The following SYK variants were observed in gnomAD, a reference collection of about 807,000 sequenced individuals.
The protein encoded by SYK is spleen associated tyrosine kinase.
In SYK, 16 loss-of-function variants were observed where a neutral mutation model predicts 77.8. The ratio of observed to expected loss-of-function variants is 0.21; its 90% CI spans 0.14 to 0.31. The LOEUF (loss-of-function observed/expected upper bound fraction) is 0.31, where lower values mean the gene tolerates loss of function less well. SYK is among the 10% of genes least tolerant of loss of function. The pLI, the probability that SYK is intolerant of heterozygous loss-of-function variation, is 1.00. For missense variants in SYK, 529 were observed against 814.4 expected (o/e 0.65, Z 4.26); for synonymous variants, 312 against 308.7 (o/e 1.01, Z -0.11).
At chr9:90,819,519 G>A (rs1361879412) in intron 1 of SYK, among the ~76,000 whole-genome samples, 1 of 152,202 alleles carries the variant, frequency 6.6e-6, no homozygotes, top group Non-Finnish European at 1.5e-5. Flanking sequence ...GTGGCAGCAA[G>A]AGAAAATGAG....
At chr9:90,811,908 A>G (rs1388655738) in intron 1 of SYK, among the ~76,000 whole-genome samples, 3 of 147,128 alleles carry the variant, frequency 2.0e-5, no homozygotes, top group Non-Finnish European at 3.0e-5. Flanking sequence ...CCTGGGTGAC[A>G]GAGCAAGACC....
In SYK at chr9:90,896,379, A is replaced by C. The variant is rs1014257359; in HGVS notation, c.*779A>C. On this transcript the variant is annotated 3_prime_UTR_variant, in exon 14 of 14. Transcript: ENST00000375754. ...TGGTGACTGGTAAATAAAGCCCTGC[A>C]TGGAGGCTGCACAGCAGGGGCAAGA... The C allele has an allele frequency of 4.3e-6, 1 of 233,274 alleles. No homozygotes were observed. The highest frequency in any genetic ancestry group is 2.2e-5 in the African/African-American group (1 of 45,482). The allele number at this position is 233,274 out of a possible 1,614,324, so 14.5% of individuals were successfully genotyped here.
intron 6 of SYK, among the ~76,000 whole-genome samples, chr9:90,866,177 G>T (rs1827488106): frequency 6.6e-6 from 1 of 152,224 alleles, no homozygotes; most frequent in African/African-American, 2.4e-5. Context: ...GGGATTACAG[G>T]CGTGAGCCAC....
chr9:90,882,522 G>A (rs1467765457), intron 11 of SYK, among the ~76,000 whole-genome samples: 1 of 152,234 alleles, frequency 6.6e-6, no homozygotes, highest in Non-Finnish European at 1.5e-5. Flanking sequence ...CAGAGAGAGG[G>A]TTTTGCTATG....
chr9:90,810,314 G>A (rs1196664468), intron 1 of SYK, among the ~76,000 whole-genome samples: 1 of 152,136 alleles, frequency 6.6e-6, no homozygotes, highest in Non-Finnish European at 1.5e-5. Context: ...GCTCCACATG[G>A]CATGCTCCCT....
Position 90,897,452 on chromosome 9 carries a change from G to T in SYK, c.*1852G>T, listed in dbSNP as rs554920961. ...CAGGTGTAAAATTATGAAAGGAGTG[G>T]TTGGATGTGCCAAGTTTGGTAAAGT... On this transcript the variant is annotated 3_prime_UTR_variant, in exon 14 of 14. Transcript: ENST00000375754. 2.6e-5 allele frequency: 6 copies of T among 232,496 alleles called. No individual in the cohort carries two copies. In the East Asian group the frequency reaches 3.6e-4, roughly 14 times the overall value. 14.4% of individuals were successfully genotyped at this position (232,496 alleles called of 1,614,324 possible). A position where few individuals can be genotyped will look rare whatever the true frequency, so the allele number is the denominator to read the frequency against.
intron 11 of SYK, among the ~76,000 whole-genome samples, chr9:90,883,422 A>G (rs1305339998): frequency 6.6e-6 from 1 of 152,012 alleles, no homozygotes; most frequent in East Asian, 1.9e-4. Flanking sequence ...AGGCACTTTC[A>G]CATGCCACAA....
chr9:90,849,582 A>G (rs1826738998), intron 3 of SYK, among the ~76,000 whole-genome samples: 1 of 152,206 alleles, frequency 6.6e-6, no homozygotes, highest in African/African-American at 2.4e-5. Flanking sequence ...CTCTTAAATC[A>G]TTACTGATGG....
chr9:90,810,063 G>A (rs7032733), intron 1 of SYK, among the ~76,000 whole-genome samples: 35,536 of 151,920 alleles, frequency 0.23, 4,217 homozygotes, highest in Middle Eastern at 0.36. Flanking sequence ...CCCGGAGCTT[G>A]TTTCTTCTCA....
intron 9 of SYK, among the ~76,000 whole-genome samples, chr9:90,876,128 A>T (rs1329239478): frequency 6.6e-6 from 1 of 152,070 alleles, no homozygotes; most frequent in Non-Finnish European, 1.5e-5. Flanking sequence ...TCCACTAAAA[A>T]TACAAAAAAT....
intron 1 of SYK, among the ~76,000 whole-genome samples, chr9:90,832,354 T>C (rs894780854): frequency 1.3e-5 from 2 of 152,266 alleles, no homozygotes; most frequent in African/African-American, 4.8e-5. Flanking sequence ...AAAATGTTAC[T>C]AGTGATAATA....
At position 90,874,848 on chromosome 9, in the gene SYK, A is replaced by C; in HGVS notation, c.1180A>C (p.Lys394Gln). 1 of 1,613,926 alleles carries C rather than the reference A, an allele frequency of 6.2e-7. No individual in the cohort carries two copies. Among genetic ancestry groups the C allele is most frequent in the Non-Finnish European group, 8.5e-7 (1 of 1,179,876 alleles). ...GAAAAAGGGCTACTACCAAATGAAAAAGTAAGTTGCTATGTTCCACCAGCC... is the reference window on the plus strand; with the variant it reads ...GAAAAAGGGCTACTACCAAATGAAACAGTAAGTTGCTATGTTCCACCAGCC... ...TVKKGYYQMKKVVKTVAVKIL... is the reference protein window; with the variant it reads ...TVKKGYYQMKQVVKTVAVKIL... The change falls in exon 9 of 14, where the codon AAA becomes CAA. Residue 394 changes from lysine to glutamine, a missense_variant and splice_region_variant. Transcript: ENST00000375754.
At position 90,832,699 on chromosome 9, in the gene SYK, C is replaced by T. The variant is rs563650604; in HGVS notation, c.-41-11159C>T. 4.6e-5 allele frequency among the ~76,000 whole-genome samples: 7 copies of T among 152,360 alleles called. No homozygotes were observed. The South Asian group carries it at 1.5e-3, about 32-fold the overall frequency. ...AACAATTCATTCAAATATTTATTTA[C>T]TTAAATATCCATTAAGCACTGTTGC... On this transcript the variant is annotated intron_variant, in intron 1 of 13. Transcript: ENST00000375754.
chr9:90,801,812 T>G (rs1826740920), upstream of SYK: 1 of 152,186 alleles, frequency 6.6e-6, no homozygotes, highest in African/African-American at 2.4e-5. Flanking sequence ...GCCCGGCGGC[T>G]GAGGCCACCC....
At chr9:90,846,159 C>T (rs1826584415) in intron 3 of SYK, among the ~76,000 whole-genome samples, 1 of 152,190 alleles carries the variant, frequency 6.6e-6, no homozygotes, top group African/African-American at 2.4e-5. Context: ...CAGTGTAAAT[C>T]TAAATTGTAG....
intron 1 of SYK, among the ~76,000 whole-genome samples, chr9:90,812,324 CAT>C (rs1197054720): frequency 6.6e-6 from 1 of 152,164 alleles, no homozygotes; most frequent in Non-Finnish European, 1.5e-5. Flanking sequence ...AGAAACACAT[CAT>C]GCATCATGAC....
At chr9:90,891,126 G>C (rs539540070) in intron 13 of SYK, among the ~76,000 whole-genome samples, 1 of 146,784 alleles carries the variant, frequency 6.8e-6, no homozygotes, top group Non-Finnish European at 1.5e-5. Context: ...CTCCTTGGCC[G>C]ACGCCATGTT....
At chr9:90,839,407 C>T (rs1826210029) in intron 1 of SYK, among the ~76,000 whole-genome samples, 1 of 152,090 alleles carries the variant, frequency 6.6e-6, no homozygotes. Flanking sequence ...CTGCCACCTG[C>T]TTGCGAACAT....
intron 1 of SYK, among the ~76,000 whole-genome samples, chr9:90,827,840 AGC>A (rs1291784939): frequency 6.6e-6 from 1 of 152,248 alleles, no homozygotes; most frequent in Non-Finnish European, 1.5e-5. Context: ...CTTTGCTTTA[AGC>A]ATTGAGTATA....
Sources: gnomAD v4.1 joint callset for allele counts (sites outside exome capture counted in the v4.1 genomes callset) on GRCh38, gnomAD v4.1.1 for gene constraint, MANE v1.5 for transcripts, NCBI Gene and HGNC (gene_info 2026-07-23, HGNC 2026-07-21) for gene names.